OTUD7A: variants seen among roughly 807,000 people sequenced by gnomAD.
OTUD7A encodes OTU deubiquitinase 7A.
A neutral mutation model predicts 65.7 loss-of-function variants in OTUD7A; 12 were observed. The ratio of observed to expected loss-of-function variants is 0.18; its 90% CI spans 0.12 to 0.30. The LOEUF is 0.30. Ranked by LOEUF, OTUD7A falls within the 10% of genes least tolerant of loss-of-function variation. The pLI, the probability that OTUD7A is intolerant of heterozygous loss-of-function variation, is 1.00. For missense variants in OTUD7A, 1,148 were observed against 1,304.8 expected, an observed-to-expected ratio of 0.88 and a Z score of 1.85; for synonymous variants, 641 against 586.3, an observed-to-expected ratio of 1.09 and a Z score of -1.35.
chr15:31,718,128 A>G (rs996508701), intron 1 of OTUD7A, among the ~76,000 whole-genome samples: 5 of 152,196 alleles, frequency 3.3e-5, no homozygotes, highest in Admixed American at 1.3e-4. Context: ...GGGACAAATC[A>G]TGTCTACTTG....
chr15:31,527,029 A>C, intron 7 of OTUD7A, 152 bp downstream of exon 7: 2 of 1,185,126 alleles, frequency 1.7e-6, no homozygotes, highest in Non-Finnish European at 2.3e-6. Context: ...CTGTGGGCTT[A>C]AAAGCAGGAG....
intron 1 of OTUD7A, among the ~76,000 whole-genome samples, chr15:31,775,079 T>C (rs1339777585): frequency 7.3e-6 from 1 of 137,814 alleles, no homozygotes; most frequent in African/African-American, 2.7e-5. Flanking sequence ...CGCTCCCATG[T>C]CCATGCATTT....
At chr15:31,858,507 A>G (rs947876228) in intron 1 of OTUD7A, among the ~76,000 whole-genome samples, 21 of 152,220 alleles carry the variant, frequency 1.4e-4, no homozygotes, top group African/African-American at 4.8e-4. Context: ...AGAACAGGGC[A>G]GCAGGAATAG....
intron 10 of OTUD7A, among the ~76,000 whole-genome samples, chr15:31,497,943 G>T (rs2041412446): frequency 6.6e-6 from 1 of 152,210 alleles, no homozygotes; most frequent in African/African-American, 2.4e-5. Flanking sequence ...AAATATATGA[G>T]CATGAAGGTG....
chr15:31,510,989 GTAACATA>G (rs2041699914), intron 8 of OTUD7A, among the ~76,000 whole-genome samples: 1 of 99,434 alleles, frequency 1.0e-5, no homozygotes, highest in Non-Finnish European at 1.9e-5. Context: ...ATATCTATAT[GTAACATA>G]TGTATATCTA....
intron 1 of OTUD7A, among the ~76,000 whole-genome samples, chr15:31,674,595 T>C (rs1312141627): frequency 6.6e-6 from 1 of 152,130 alleles, no homozygotes; most frequent in Non-Finnish European, 1.5e-5. Flanking sequence ...AGGGATGAAA[T>C]GCAATTGGTA....
chr15:31,654,721 C>G (rs1429512028), intron 3 of OTUD7A, among the ~76,000 whole-genome samples: 1 of 152,152 alleles, frequency 6.6e-6, no homozygotes. Context: ...CAAATGGTAT[C>G]TACGTGAAAA....
chr15:31,537,965 G>A (rs975085435), intron 5 of OTUD7A, among the ~76,000 whole-genome samples: 2 of 152,136 alleles, frequency 1.3e-5, no homozygotes, highest in East Asian at 1.9e-4. Context: ...TGCTGACAGC[G>A]CCCTGCTTGT....
intron 3 of OTUD7A, among the ~76,000 whole-genome samples, chr15:31,600,585 G>C (rs1890043883): frequency 6.6e-6 from 1 of 152,156 alleles, no homozygotes. Flanking sequence ...GCATCATAAT[G>C]ACAGGATCAA....
chr15:31,742,407 T>C (rs1894367392), intron 1 of OTUD7A, among the ~76,000 whole-genome samples: 1 of 152,080 alleles, frequency 6.6e-6, no homozygotes, highest in African/African-American at 2.4e-5. Context: ...AAAAATTGTG[T>C]TACAACACAT....
At chr15:31,520,009 A>T (rs2041916495) in intron 8 of OTUD7A, among the ~76,000 whole-genome samples, 1 of 152,334 alleles carries the variant, frequency 6.6e-6, no homozygotes, top group African/African-American at 2.4e-5. Flanking sequence ...AAATGAATGG[A>T]AAAACATCCC....
intron 1 of OTUD7A, among the ~76,000 whole-genome samples, chr15:31,804,410 C>T (rs932004285): frequency 1.3e-5 from 2 of 152,264 alleles, no homozygotes; most frequent in Non-Finnish European, 1.5e-5. Flanking sequence ...GACCCAGGAA[C>T]CTCTCCCTGA....
At position 31,483,374 on chromosome 15, in the gene OTUD7A, C is replaced by A; in HGVS notation, c.2722G>T (p.Ala908Ser). Reference protein sequence around the residue: ...QRENCAFYGRAETEHYCSYCY... With the variant: ...QRENCAFYGRSETEHYCSYCY... ...TAGGAGCAGTAGTGCTCGGTCTCGG[C>A]GCGCCCGTAGAACGCACAGTTCTCG... Residue 908 changes from alanine (A) to serine (S), a missense_variant, in exon 13 of 13, where the codon GCC becomes TCC. Transcript: ENST00000307050. 2 of 1,304,390 alleles carry A rather than the reference C, an allele frequency of 1.5e-6. No homozygotes were observed. The highest frequency in any genetic ancestry group is 2.0e-6 in the Non-Finnish European group (2 of 1,024,040). The allele number at this position is 1,304,390 out of a possible 1,614,324, so 80.8% of individuals were successfully genotyped here. A position where few individuals can be genotyped will look rare whatever the true frequency, so the allele number is the denominator to read the frequency against.
chr15:31,504,074 G>T (rs2041518217), intron 8 of OTUD7A, among the ~76,000 whole-genome samples: 1 of 152,242 alleles, frequency 6.6e-6, no homozygotes, highest in African/African-American at 2.4e-5. Flanking sequence ...AAGGGTGCCG[G>T]CCGCTGTGAA....
chr15:31,584,607 A>C (rs979795449), intron 3 of OTUD7A, among the ~76,000 whole-genome samples: 3 of 152,220 alleles, frequency 2.0e-5, no homozygotes, highest in African/African-American at 4.8e-5. Context: ...ACAGCCTGGG[A>C]GGATATACCA....
intron 3 of OTUD7A, among the ~76,000 whole-genome samples, chr15:31,597,347 C>T (rs1225427503): frequency 6.6e-6 from 1 of 152,158 alleles, no homozygotes; most frequent in Non-Finnish European, 1.5e-5. Flanking sequence ...TTGCCAACTC[C>T]AAGTTCATGA....
intron 1 of OTUD7A, among the ~76,000 whole-genome samples, chr15:31,788,469 T>C (rs1462914803): frequency 6.6e-6 from 1 of 152,258 alleles, no homozygotes; most frequent in Non-Finnish European, 1.5e-5. Context: ...AAAATGGCTA[T>C]TGATGGGCAA....
chr15:31,700,299 G>A (rs1291301152), intron 1 of OTUD7A, among the ~76,000 whole-genome samples: 2 of 151,418 alleles, frequency 1.3e-5, no homozygotes, highest in African/African-American at 2.4e-5. Flanking sequence ...ACCTGTGTTC[G>A]GGTGACTCCC....
In OTUD7A at chr15:31,484,121, C is replaced by T. The variant is rs775860709; in HGVS notation, c.1975G>A (p.Glu659Lys). Residue 659 changes from glutamate to lysine, a missense_variant, in exon 13 of 13, where the codon GAG becomes AAG. Transcript: ENST00000307050. This position sits in a 1 kb window ranked among gnomAD's most constrained non-coding sequence, Gnocchi z 4.5. ...LTSHRHQFHE[E>K]MIGYYLTSAQ... is the part of the protein sequence containing the mutation. Reference sequence around the variant, plus strand: ...CTCGTCAGGTAGTAGCCGATCATCTCCTCGTGGAACTGGTGCCGGTGGCTG... The same window carrying T: ...CTCGTCAGGTAGTAGCCGATCATCTTCTCGTGGAACTGGTGCCGGTGGCTG... 15 of 1,607,910 alleles carry T rather than the reference C, an allele frequency of 9.3e-6. No homozygotes were observed. The highest frequency in any genetic ancestry group is 1.3e-5 in the Non-Finnish European group (15 of 1,179,460).
Sources: gnomAD v4.1 joint callset for allele counts (sites outside exome capture counted in the v4.1 genomes callset) on GRCh38, gnomAD v4.1.1 for gene constraint, Gnocchi (gnomAD v3.1) non-coding constraint, MANE v1.5 for transcripts, NCBI Gene and HGNC (gene_info 2026-07-23, HGNC 2026-07-21) for gene names.